Variants in FANCD2 observed in about 807,000 individuals in gnomAD.
FANCD2 encodes the protein Fanconi anemia group D2 protein.
FANCD2 carries 131 observed loss-of-function variants against 192.3 expected under a neutral mutation model. That is an observed-to-expected ratio of 0.68 (90% CI 0.59 to 0.79). The LOEUF (loss-of-function observed/expected upper bound fraction) is 0.79. Among genes scored for constraint, FANCD2 ranks in the 30% least tolerant of loss-of-function variants. The pLI is 0.00. For missense variants in FANCD2, 1,508 were observed against 1,701.6 expected, an observed-to-expected ratio of 0.89 and a Z score of 2.00; for synonymous variants, 524 against 612.5, an observed-to-expected ratio of 0.86 and a Z score of 2.13.
At chr3:10,045,330 G>T (rs1182652141) in intron 14 of FANCD2, among the ~76,000 whole-genome samples, 1 of 151,736 alleles carries the variant, frequency 6.6e-6, no homozygotes, top group South Asian at 2.1e-4. Flanking sequence ...CACCACGCCC[G>T]GCTAATTTTT....
rs148471911 is a variant in FANCD2, at chr3:10,094,322, C to T, written c.3922C>T (p.Gln1308Ter). Residue 1308 changes from glutamine to a stop codon, truncating the protein, a stop_gained, in exon 40 of 44, where the codon CAA becomes TAA. Transcript: ENST00000675286. LOFTEE classifies it high-confidence loss of function. ...TCTCTTTGTGGAAGCATTTCTGAAG[C>T]AATGTATGCCGCTCCTAGACTTCAG... ...GRLFVEAFLK[Q>*]CMPLLDFSFR... The T allele has an allele frequency of 8.7e-6, 14 of 1,614,018 alleles. No individual in the cohort carries two copies. Among genetic ancestry groups the T allele is most frequent in the Non-Finnish European group, 1.1e-5 (13 of 1,179,930 alleles).
At chr3:10,043,253 A>G (rs563144914) in intron 12 of FANCD2, 103 bp downstream of exon 12, 4 of 883,004 alleles carry the variant, frequency 4.5e-6, no homozygotes, top group South Asian at 4.2e-5. Flanking sequence ...TATGACATTT[A>G]CATCTAGTAT....
At chr3:10,035,700 T>C (rs2086711506) in intron 6 of FANCD2, among the ~76,000 whole-genome samples, 1 of 152,162 alleles carries the variant, frequency 6.6e-6, no homozygotes, top group African/African-American at 2.4e-5. Flanking sequence ...ATTCTCCATT[T>C]TTCCTCTTCT....
chr3:10,031,934 C>T (rs2086612794), intron 2 of FANCD2, among the ~76,000 whole-genome samples: 1 of 152,136 alleles, frequency 6.6e-6, no homozygotes, highest in Admixed American at 6.6e-5. Context: ...GCAACCTCTG[C>T]CTCCCGGGTT....
intron 2 of FANCD2, among the ~76,000 whole-genome samples, chr3:10,030,771 G>T (rs545987400): frequency 6.6e-6 from 1 of 152,076 alleles, no homozygotes; most frequent in East Asian, 1.9e-4. Flanking sequence ...GTGGTGTCAC[G>T]TGTCTGTAAT....
chr3:10,034,400 A>T (rs2086678979), intron 3 of FANCD2, 69 bp from the exon 4 acceptor site: 1 of 1,000,610 alleles, frequency 1.0e-6, no homozygotes, highest in Non-Finnish European at 1.6e-6. Flanking sequence ...TCAGGCAAGA[A>T]ACTTGGGTTT....
chr3:10,080,460 G>T (rs905992746), intron 30 of FANCD2, among the ~76,000 whole-genome samples: 7 of 152,048 alleles, frequency 4.6e-5, no homozygotes, highest in South Asian at 4.1e-4. Flanking sequence ...ACATTTTTTT[G>T]TTTGTTTGTT....
intron 36 of FANCD2, among the ~76,000 whole-genome samples, 177 bp from the exon 37 acceptor site, chr3:10,090,115 C>CAA (rs1694496587): frequency 6.6e-6 from 1 of 152,126 alleles, no homozygotes; most frequent in East Asian, 1.9e-4. Context: ...GTTTGACAGG[C>CAA]AATCTTCTTG....
chr3:10,047,756 A>T (rs376453915), intron 15 of FANCD2, among the ~76,000 whole-genome samples, 161 bp from the exon 16 acceptor site: 1 of 148,096 alleles, frequency 6.8e-6, no homozygotes, highest in East Asian at 2.0e-4. Flanking sequence ...TCTCAGAATG[A>T]TGAAGGATTA....
At chr3:10,060,858 C>T (rs1460173633) in intron 19 of FANCD2, among the ~76,000 whole-genome samples, 7 of 152,114 alleles carry the variant, frequency 4.6e-5, no homozygotes, top group Admixed American at 1.3e-4. Flanking sequence ...AAAGAAATAT[C>T]GGTTTGGGGG....
rs1694190701 is a variant in FANCD2 at position 10,086,202 on chromosome 3, T to C, written c.3335+280T>C. On this transcript the variant is annotated intron_variant, in intron 33 of 43. Transcript: ENST00000675286. ...AAAACATTGACCATCTGTAATCAAC[T>C]CTTGATTATCCAGGGACCTACTGTC... Among the ~76,000 whole-genome samples, 3 of 152,320 alleles carry C rather than the reference T, an allele frequency of 2.0e-5. No homozygotes were observed. The South Asian group carries it at 6.2e-4, about 32-fold the overall frequency.
chr3:10,052,000 GA>G (rs908582009), intron 17 of FANCD2, among the ~76,000 whole-genome samples: 3 of 151,668 alleles, frequency 2.0e-5, no homozygotes, highest in African/African-American at 7.3e-5. Context: ...TGTTTTCACT[GA>G]AAAAAAAGGG....
In FANCD2 at chr3:10,052,447, C is replaced by G. The variant is rs2087246059; in HGVS notation, c.1606C>G (p.Leu536Val). Reference sequence around the variant, plus strand: ...GCAAATACGAAAACTCTTCTATGTTCTCAGCACACTGGCATTTAGCAAACA... The same window carrying G: ...GCAAATACGAAAACTCTTCTATGTTGTCAGCACACTGGCATTTAGCAAACA... The part of the protein sequence containing the change: ...PQQIRKLFYV[L>V]STLAFSKQNE... Residue 536 changes from leucine (L) to valine (V), a missense_variant, in exon 18 of 44, where the codon CTC (leucine) becomes GTC (valine). Around this residue, in one of 5 missense-constraint regions of FANCD2, gnomAD observed 110 missense variants for 114.4 expected, o/e 0.96. Transcript: ENST00000675286. 2.5e-6 allele frequency: 4 copies of G among 1,612,844 alleles called. No homozygotes were observed. Among genetic ancestry groups the G allele is most frequent in the Non-Finnish European group, 3.4e-6 (4 of 1,179,902 alleles).
chr3:10,028,303 A>G (rs2086507034), intron 1 of FANCD2, among the ~76,000 whole-genome samples: 2 of 152,290 alleles, frequency 1.3e-5, no homozygotes, highest in East Asian at 1.9e-4. Flanking sequence ...TCCCTAACAT[A>G]TAGTATTGAA....
At chr3:10,054,809 T>C (rs1442602943) in intron 18 of FANCD2, among the ~76,000 whole-genome samples, 3 of 151,548 alleles carry the variant, frequency 2.0e-5, no homozygotes, top group African/African-American at 4.9e-5. Context: ...TTATCTTTTT[T>C]TCCCCCCCTT....
intron 38 of FANCD2, 56 bp downstream of exon 38, chr3:10,092,308 C>G: frequency 7.4e-7 from 1 of 1,355,338 alleles, no homozygotes; most frequent in Non-Finnish European, 1.1e-6. Context: ...AACCAAGTGT[C>G]CTGGCTTCCA....
Position 10,065,916 on chromosome 3 carries a change from G to A in FANCD2, c.2322G>A (p.Met774Ile). The change falls in exon 25 of 44, where the codon ATG (methionine) becomes ATA (isoleucine). Residue 774 changes from methionine (M) to isoleucine (I), a missense_variant. Physicochemically the swap from Met to Ile is conservative, Grantham distance 10 (BLOSUM62 1). Around this residue, in one of 5 missense-constraint regions of FANCD2, gnomAD observed 796 missense variants for 879.4 expected, o/e 0.91. Coordinates refer to ENST00000675286, the MANE Select transcript of FANCD2 (RefSeq NM_001018115.3). ...DLEPGEKLESMSAKERSFMCS... is the reference protein window; with the variant it reads ...DLEPGEKLESISAKERSFMCS... ...AGCCTGGAGAGAAGTTGGAGTCCAT[G>A]TCTGCTAAAGAGCGTTCATTCATGT... The A allele has an allele frequency of 6.2e-7, 1 of 1,613,824 alleles. No individual in the cohort carries two copies. The highest frequency in any genetic ancestry group is 1.7e-4 in the Middle Eastern group (1 of 6,056).
chr3:10,028,792 C>T, intron 2 of FANCD2, 71 bp downstream of exon 2: 3 of 1,302,062 alleles, frequency 2.3e-6, no homozygotes, highest in Non-Finnish European at 3.3e-6. Flanking sequence ...TATAAAGTTC[C>T]TGCTTTTCAA....
At chr3:10,067,160 T>G in intron 25 of FANCD2, 49 bp from the exon 26 acceptor site, 2 of 1,206,744 alleles carry the variant, frequency 1.7e-6, no homozygotes, top group Non-Finnish European at 2.4e-6. Flanking sequence ...ATAAACAAGG[T>G]TAAAATCTGA....
Sources: gnomAD v4.1 joint callset for allele counts (sites outside exome capture counted in the v4.1 genomes callset) on GRCh38, gnomAD v4.1.1 for gene constraint, gnomAD v4.1.1 regional missense constraint, MANE v1.5 for transcripts, NCBI Gene and HGNC (gene_info 2026-07-23, HGNC 2026-07-21) for gene names.